Variants in QTGAL observed in about 807,000 individuals in gnomAD.
The protein encoded by QTGAL is BGnT-like protein 1.
At chr17:82,980,841 G>A in the QTGAL span, among the ~76,000 whole-genome samples, 1 of 152,114 alleles carries the variant, frequency 6.6e-6, no homozygotes, top group Admixed American at 6.5e-5. Flanking sequence ...ATCACCCTAA[G>A]CCTCAACCCC....
the QTGAL span, among the ~76,000 whole-genome samples, chr17:82,998,760 A>G: frequency 6.6e-6 from 1 of 152,234 alleles, no homozygotes; most frequent in Non-Finnish European, 1.5e-5. Flanking sequence ...TGGAATATAT[A>G]AACAACTCTT....
At chr17:82,947,008 C>T in the QTGAL span, 1 of 1,550,396 alleles carries the variant, frequency 6.4e-7, no homozygotes, top group Non-Finnish European at 8.7e-7. Context: ...AGATTCAGCT[C>T]AGTCCGGTCT....
chr17:83,023,425 C>A, the QTGAL span, among the ~76,000 whole-genome samples: 1 of 149,212 alleles, frequency 6.7e-6, no homozygotes, highest in Non-Finnish European at 1.5e-5. Context: ...AAAGTTGCAG[C>A]AGATTCTATA....
chr17:83,036,039 TGG>T, the QTGAL span, among the ~76,000 whole-genome samples: 1 of 150,664 alleles, frequency 6.6e-6, no homozygotes, highest in Admixed American at 6.6e-5. Context: ...AACACCAGAG[TGG>T]GTGCACATCC....
At chr17:82,942,596 ACTAG>A in the QTGAL span, 1 of 1,229,762 alleles carries the variant, frequency 8.1e-7, no homozygotes, top group Non-Finnish European at 1.2e-6. Flanking sequence ...GGAGGCTGGC[ACTAG>A]CTGACAGCTT....
chr17:82,965,014 G>GACACCTGCAGGTGC, the QTGAL span, among the ~76,000 whole-genome samples: 1 of 145,968 alleles, frequency 6.9e-6, no homozygotes, highest in African/African-American at 2.6e-5. Context: ...CGGGGACATG[G>GACACCTGCAGGTGC]ACACCTGCAG....
At chr17:83,051,340 C>T in the QTGAL span, among the ~76,000 whole-genome samples, 1 of 148,400 alleles carries the variant, frequency 6.7e-6, no homozygotes, top group Non-Finnish European at 1.5e-5. Context: ...GGAAGGAGCG[C>T]GGGGCAGGCG....
chr17:83,012,554 C>T, the QTGAL span, among the ~76,000 whole-genome samples: 1 of 152,208 alleles, frequency 6.6e-6, no homozygotes, highest in Admixed American at 6.5e-5. Context: ...CGGTTTCCAG[C>T]TCACGGGCCG....
chr17:83,006,868 T>C, the QTGAL span: 1 of 947,092 alleles, frequency 1.1e-6, no homozygotes, highest in Non-Finnish European at 1.3e-6. This position sits in a 1 kb window ranked among gnomAD's most constrained non-coding sequence, Gnocchi z 5.8. Flanking sequence ...AACTGCCGGG[T>C]CACAGAACAG....
the QTGAL span, among the ~76,000 whole-genome samples, chr17:83,014,242 G>A: frequency 6.6e-6 from 1 of 152,134 alleles, no homozygotes; most frequent in Non-Finnish European, 1.5e-5. Context: ...TGCACCCTAC[G>A]AAAATAACAG....
the QTGAL span, among the ~76,000 whole-genome samples, chr17:82,998,170 A>C: frequency 6.6e-6 from 1 of 152,032 alleles, no homozygotes; most frequent in Non-Finnish European, 1.5e-5. Flanking sequence ...CGGATACCCC[A>C]TTTACCCTGA....
chr17:82,944,087 A>T, the QTGAL span: 2 of 152,282 alleles, frequency 1.3e-5, no homozygotes, highest in Non-Finnish European at 2.9e-5. Flanking sequence ...TGAGAAAAAC[A>T]TGATGAACTG....
the QTGAL span, chr17:83,014,624 T>G: frequency 7.9e-7 from 1 of 1,269,112 alleles, no homozygotes; most frequent in East Asian, 2.4e-5. Context: ...GGCACAATCA[T>G]AGCTCACTGC....
the QTGAL span, among the ~76,000 whole-genome samples, chr17:82,979,106 C>G: frequency 6.6e-6 from 1 of 151,328 alleles, no homozygotes; most frequent in Admixed American, 6.6e-5. Context: ...CCAAAGCAAG[C>G]AGAAAAAAGA....
the QTGAL span, among the ~76,000 whole-genome samples, chr17:83,033,693 A>C: frequency 6.6e-6 from 1 of 151,810 alleles, no homozygotes; most frequent in Non-Finnish European, 1.5e-5. Flanking sequence ...GGATGGTCTC[A>C]ATCTCCTGAC....
the QTGAL span, among the ~76,000 whole-genome samples, chr17:83,050,853 G>A: frequency 2.0e-5 from 3 of 151,740 alleles, no homozygotes; most frequent in Non-Finnish European, 4.4e-5. Context: ...AGGTGTGCAC[G>A]GCAGGTGCAC....
the QTGAL span, among the ~76,000 whole-genome samples, chr17:82,987,227 T>C: frequency 6.6e-6 from 1 of 152,184 alleles, no homozygotes; most frequent in Non-Finnish European, 1.5e-5. Context: ...ACACCTACTA[T>C]GTGTCCATAA....
the QTGAL span, among the ~76,000 whole-genome samples, chr17:82,953,269 G>C: frequency 1.3e-5 from 2 of 151,830 alleles, no homozygotes; most frequent in Non-Finnish European, 2.9e-5. Flanking sequence ...TAACAAAATA[G>C]ACCACTAGCC....
the QTGAL span, among the ~76,000 whole-genome samples, chr17:83,029,865 T>C: frequency 6.6e-6 from 1 of 152,230 alleles, no homozygotes; most frequent in African/African-American, 2.4e-5. Context: ...CTCTGTCTCC[T>C]GCCAGTCAGC....
Sources: allele counts gnomAD v4.1 joint callset (sites outside exome capture counted in the v4.1 genomes callset), GRCh38; gene constraint gnomAD v4.1.1; non-coding constraint Gnocchi (gnomAD v3.1); transcripts MANE v1.5; gene names NCBI Gene and HGNC (gene_info 2026-07-23, HGNC 2026-07-21).